The following RNF123 variants were observed in gnomAD, a reference collection of about 807,000 sequenced individuals.
RNF123 encodes the protein ring finger protein 123.
In RNF123, 86 loss-of-function variants were observed where a neutral mutation model predicts 168.5. That is an observed-to-expected ratio of 0.51 (90% CI 0.43 to 0.61). The LOEUF (loss-of-function observed/expected upper bound fraction) is 0.61. RNF123 is among the 20% of genes least tolerant of loss of function. The pLI is 0.00. For missense variants in RNF123, 1,419 were observed against 1,729.7 expected, an observed-to-expected ratio of 0.82 and a Z score of 3.19; for synonymous variants, 666 against 689.1, an observed-to-expected ratio of 0.97 and a Z score of 0.52.
Position 49,715,634 on chromosome 3 carries a change from G to A in RNF123, c.3070G>A (p.Asp1024Asn). 2 of 1,614,202 alleles carry A rather than the reference G, an allele frequency of 1.2e-6. No individual in the cohort carries two copies. Among genetic ancestry groups the A allele is most frequent in the Non-Finnish European group, 1.7e-6 (2 of 1,180,044 alleles). ...GGCGGACCTCCTACAGCAGGGTCCT[G>A]ATGTGGCACCCAGCTTCCTCAACAG... The part of the protein sequence containing the change: ...HMADLLQQGP[D>N]VAPSFLNSVL... Residue 1024 changes from aspartate to asparagine, a missense_variant, in exon 32 of 39, where the codon GAT becomes AAT. Coordinates refer to ENST00000327697, the MANE Select transcript of RNF123 (RefSeq NM_022064.5).
rs369945756 is a variant in RNF123, at chr3:49,711,011, T to A, written c.2497-1468T>A. Among the ~76,000 whole-genome samples the A allele has an allele frequency of 3.0e-4, 46 of 152,230 alleles. No homozygotes were observed. In the South Asian group the frequency reaches 9.4e-3, roughly 31 times the overall value. ...ACTTTGGGAGGCTGAAGCGGGAGGA[T>A]CACTTGAAGCCAAGAGTTCATGACC... On this transcript the variant is annotated intron_variant, in intron 26 of 38. Coordinates refer to ENST00000327697, the MANE Select transcript of RNF123 (RefSeq NM_022064.5).
chr3:49,710,437 G>A (rs2080122282), intron 26 of RNF123, among the ~76,000 whole-genome samples: 3 of 151,934 alleles, frequency 2.0e-5, no homozygotes, highest in African/African-American at 4.8e-5. Flanking sequence ...ACGCCACCAC[G>A]CCCGGCTAAT....
chr3:49,710,509 AC>A (rs2080123694), intron 26 of RNF123, among the ~76,000 whole-genome samples: 1 of 148,894 alleles, frequency 6.7e-6, no homozygotes, highest in Non-Finnish European at 1.5e-5. Context: ...CAAACTCCTG[AC>A]CTTAGGTGAT....
chr3:49,708,579 G>T (rs892595054), intron 26 of RNF123, among the ~76,000 whole-genome samples: 27 of 152,220 alleles, frequency 1.8e-4, no homozygotes, highest in African/African-American at 6.5e-4. Context: ...AGCTCAGGTT[G>T]CCCCTGGCAA....
At position 49,697,226 on chromosome 3, in the gene RNF123, T is replaced by C; in HGVS notation, c.247+4T>C. On this transcript the variant is annotated splice_donor_region_variant and intron_variant, in intron 4 of 38. Coordinates refer to ENST00000327697, the MANE Select transcript of RNF123 (RefSeq NM_022064.5). Reference sequence around the variant, plus strand: ...AATGAGGAGGAGGAAAGCCAGGGTATGTGGCCACCTCTGGAGTGGGGTTGG... The same window carrying C: ...AATGAGGAGGAGGAAAGCCAGGGTACGTGGCCACCTCTGGAGTGGGGTTGG... The C allele has an allele frequency of 6.2e-7, 1 of 1,613,580 alleles. No homozygotes were observed. The highest frequency in any genetic ancestry group is 8.5e-7 in the Non-Finnish European group (1 of 1,179,570).
Position 49,716,387 on chromosome 3 carries a change from C to G in RNF123, c.3416-6C>G. 6.2e-7 allele frequency: 1 copy of G among 1,613,352 alleles called. No individual in the cohort carries two copies. On this transcript the variant is annotated splice_region_variant and splice_polypyrimidine_tract_variant and intron_variant, in intron 34 of 38. Transcript: ENST00000327697. ...TGGCTCATCTCTTTCCTCCCCTTCC[C>G]CTCAGGCCTAGAGAGCGTGGACCAC...
intron 3 of RNF123, among the ~76,000 whole-genome samples, chr3:49,694,798 G>T (rs1444698522): frequency 3.3e-5 from 5 of 151,984 alleles, no homozygotes; most frequent in Admixed American, 2.0e-4. Context: ...CTCAGTCCTG[G>T]CCTGTTCTCA....
chr3:49,700,266 T>C lies in RNF123; in HGVS notation c.1024T>C (p.Leu342=), dbSNP rs2054353336. The change falls in exon 13 of 39, where the codon TTG becomes CTG. Residue 342 remains leucine, a synonymous_variant. Coordinates refer to ENST00000327697, the MANE Select transcript of RNF123 (RefSeq NM_022064.5). ...YLVEAVLMSF[L]LGIVEKGTPT... is the part of the protein sequence containing the mutation. ...GGTGGAGGCTGTGCTCATGAGCTTC[T>C]TGCTGGGCATCGTGGAGAAGGGCAC... The C allele has an allele frequency of 6.8e-6, 11 of 1,614,200 alleles. No homozygotes were observed. Among genetic ancestry groups the C allele is most frequent in the Non-Finnish European group, 9.3e-6 (11 of 1,180,010 alleles).
intron 27 of RNF123, chr3:49,712,917 ACTTC>A (rs1326679780): frequency 4.3e-6 from 3 of 702,986 alleles, no homozygotes; most frequent in South Asian, 1.5e-5. Flanking sequence ...CTTGGCTTTC[ACTTC>A]CTTCCTAGTG....
intron 22 of RNF123, 31 bp downstream of exon 22, chr3:49,704,787 G>T: frequency 6.5e-7 from 1 of 1,542,082 alleles, no homozygotes; most frequent in Non-Finnish European, 8.8e-7. Flanking sequence ...GGTGGGATTT[G>T]TGTTGGGCTT....
At chr3:49,713,341 T>C in intron 27 of RNF123, 172 bp from the exon 28 acceptor site, 1 of 643,562 alleles carries the variant, frequency 1.6e-6, no homozygotes, top group Non-Finnish European at 2.7e-6. Flanking sequence ...CCTTAGCCCT[T>C]GCACAGCCAC....
At chr3:49,718,221 G>A in intron 35 of RNF123, 2 of 1,612,088 alleles carry the variant, frequency 1.2e-6, no homozygotes, top group Non-Finnish European at 1.7e-6. Context: ...AGCGGCGGCA[G>A]CGGCAGGCAC....
intron 31 of RNF123, among the ~76,000 whole-genome samples, chr3:49,714,595 C>T (rs1464638619): frequency 2.0e-5 from 3 of 152,256 alleles, no homozygotes; most frequent in Non-Finnish European, 2.9e-5. Context: ...AGACCCTGGC[C>T]TTGGCTTAGG....
In RNF123 at chr3:49,721,525, A is replaced by C; in HGVS notation, c.*220A>C. 1 of 815,866 alleles carries C rather than the reference A, an allele frequency of 1.2e-6. No homozygotes were observed. Among genetic ancestry groups the C allele is most frequent in the Non-Finnish European group, 2.1e-6 (1 of 483,190 alleles). 50.5% of individuals were successfully genotyped at this position (815,866 alleles called of 1,614,324 possible). On this transcript the variant is annotated 3_prime_UTR_variant, in exon 39 of 39. Coordinates refer to ENST00000327697, the MANE Select transcript of RNF123 (RefSeq NM_022064.5). ...ACAGTGAGCATTAAATTATTATTCC[A>C]TACAGCCCTGGCCCTGGCCCTTCTT...
chr3:49,701,769 C>T (rs2054397901), intron 16 of RNF123, 42 bp from the exon 17 acceptor site: 1 of 1,539,512 alleles, frequency 6.5e-7, no homozygotes, highest in Non-Finnish European at 8.8e-7. Flanking sequence ...CTGGCTAGGT[C>T]CCAGGTGACC....
In RNF123 at chr3:49,720,524, A is replaced by C; in HGVS notation, c.3514A>C (p.Thr1172Pro). The C allele has an allele frequency of 6.3e-7, 1 of 1,596,288 alleles. No individual in the cohort carries two copies. The highest frequency in any genetic ancestry group is 8.5e-7 in the Non-Finnish European group (1 of 1,170,096). The change falls in exon 36 of 39, where the codon ACA becomes CCA. Residue 1172 changes from threonine (T) to proline (P), a missense_variant. Physicochemically the swap from Thr to Pro is conservative, Grantham distance 38. Coordinates refer to ENST00000327697, the MANE Select transcript of RNF123 (RefSeq NM_022064.5). The stretch of plus-strand genomic sequence containing the variant: ...TCCCCTACCTAGGAGAGAGCAAGCC[A>C]CATCAGTGCTCCTGGCAGATCCCTG... ...RGPASEREQATSVLLADPCFQ... is the reference protein window; with the variant it reads ...RGPASEREQAPSVLLADPCFQ...
intron 35 of RNF123, chr3:49,718,683 C>T: frequency 1.2e-6 from 2 of 1,613,010 alleles, no homozygotes; most frequent in South Asian, 1.1e-5. Context: ...GGAAGAAGCG[C>T]ACGCGGGACG....
intron 26 of RNF123, among the ~76,000 whole-genome samples, chr3:49,708,276 C>A (rs1001513704): frequency 5.3e-5 from 8 of 152,172 alleles, no homozygotes; most frequent in African/African-American, 1.9e-4. Context: ...CCATCATAGC[C>A]ATTTTTAAGT....
chr3:49,712,922 C>T (rs753040910), intron 27 of RNF123: 4 of 703,164 alleles, frequency 5.7e-6, no homozygotes, highest in South Asian at 4.4e-5. Flanking sequence ...CTTTCACTTC[C>T]TTCCTAGTGC....
Sources: allele counts gnomAD v4.1 joint callset (sites outside exome capture counted in the v4.1 genomes callset), GRCh38; gene constraint gnomAD v4.1.1; transcripts MANE v1.5; gene names NCBI Gene and HGNC (gene_info 2026-07-23, HGNC 2026-07-21).